Variants in ADGRL3 observed in about 807,000 individuals in gnomAD.
The protein encoded by ADGRL3 is adhesion G protein-coupled receptor L3, also known as calcium-independent alpha-latrotoxin receptor 3.
A neutral mutation model predicts 153.5 loss-of-function variants in ADGRL3; 62 were observed. The ratio of observed to expected loss-of-function variants is 0.40; its 90% CI spans 0.33 to 0.50. The LOEUF (loss-of-function observed/expected upper bound fraction) is 0.50. ADGRL3 is among the 20% of genes least tolerant of loss of function. The pLI is 0.47. For missense variants in ADGRL3, 1,641 were observed against 1,859.4 expected (o/e 0.88, Z 2.16); for synonymous variants, 710 against 672.5 (o/e 1.06, Z -0.86).
At chr4:61,970,161 GT>G (rs2099021690) in intron 17 of ADGRL3, among the ~76,000 whole-genome samples, 1 of 152,136 alleles carries the variant, frequency 6.6e-6, no homozygotes, top group East Asian at 1.9e-4. Context: ...ACATCACAGT[GT>G]TTTATAGAAT....
At chr4:61,224,914 T>G (rs1437003080) in intron 1 of ADGRL3, among the ~76,000 whole-genome samples, 1 of 152,182 alleles carries the variant, frequency 6.6e-6, no homozygotes, top group Admixed American at 6.5e-5. Context: ...GAGGGTCCTC[T>G]TATTTATTGA....
chr4:61,957,812 C>G (rs10031103), intron 17 of ADGRL3, among the ~76,000 whole-genome samples: 52,900 of 151,392 alleles, frequency 0.35, 9,960 homozygotes, highest in East Asian at 0.62. Flanking sequence ...AAATGTTGAA[C>G]CTTTTAGTGA....
chr4:61,498,186 C>A (rs1048136653), intron 3 of ADGRL3, among the ~76,000 whole-genome samples: 17 of 152,076 alleles, frequency 1.1e-4, no homozygotes, highest in African/African-American at 3.9e-4. Context: ...AGAACACAAA[C>A]TATAACCTCC....
chr4:61,421,666 T>A (rs1253091736), intron 2 of ADGRL3, among the ~76,000 whole-genome samples: 1 of 149,948 alleles, frequency 6.7e-6, no homozygotes, highest in Non-Finnish European at 1.5e-5. Flanking sequence ...AATTATTTAA[T>A]TATTTCTAAC....
intron 13 of ADGRL3, among the ~76,000 whole-genome samples, chr4:61,924,433 A>G (rs1221525120): frequency 2.0e-5 from 3 of 152,192 alleles, no homozygotes; most frequent in African/African-American, 4.8e-5. Flanking sequence ...AATATTATCA[A>G]TGGCACAAAC....
intron 2 of ADGRL3, among the ~76,000 whole-genome samples, chr4:61,490,122 C>G (rs1328213582): frequency 6.6e-6 from 1 of 151,992 alleles, no homozygotes; most frequent in Non-Finnish European, 1.5e-5. Context: ...ACCATAGCAA[C>G]TCTTAATCCA....
chr4:61,515,621 C>T (rs1194513175), intron 3 of ADGRL3, among the ~76,000 whole-genome samples: 1 of 152,088 alleles, frequency 6.6e-6, no homozygotes. Context: ...CATTCTCCCC[C>T]ACTCTAAATG....
intron 2 of ADGRL3, among the ~76,000 whole-genome samples, chr4:61,460,962 C>T (rs189243048): frequency 2.0e-3 from 307 of 152,120 alleles, no homozygotes; most frequent in Middle Eastern, 6.8e-3. Context: ...CCCAGCTACT[C>T]GGGAGGCTGA....
chr4:61,756,829 AG>A (rs756500256), intron 8 of ADGRL3, among the ~76,000 whole-genome samples: 3 of 152,140 alleles, frequency 2.0e-5, no homozygotes, highest in Admixed American at 6.6e-5. Flanking sequence ...TTTAGCATGA[AG>A]GGTTGTTGAA....
chr4:62,031,703 G>A (rs979527146), intron 23 of ADGRL3, 93 bp downstream of exon 23: 61 of 839,106 alleles, frequency 7.3e-5, no homozygotes, highest in Admixed American at 1.1e-4. Flanking sequence ...TTCTTGATAT[G>A]TTTGTCTACA....
chr4:61,830,738 A>G (rs1332019309), intron 9 of ADGRL3, among the ~76,000 whole-genome samples: 1 of 152,190 alleles, frequency 6.6e-6, no homozygotes, highest in Admixed American at 6.5e-5. Context: ...TTAATAGAGA[A>G]GGATGGTATG....
intron 8 of ADGRL3, among the ~76,000 whole-genome samples, chr4:61,805,009 G>A (rs936959305): frequency 2.7e-5 from 4 of 150,012 alleles, no homozygotes; most frequent in African/African-American, 9.8e-5. Context: ...AGGCTGGAGT[G>A]CAGTGGGGCG....
intron 1 of ADGRL3, among the ~76,000 whole-genome samples, chr4:61,360,572 A>T (rs1012408490): frequency 5.3e-5 from 8 of 152,164 alleles, no homozygotes; most frequent in African/African-American, 1.7e-4. Context: ...TTAATCTTTC[A>T]TGGTAGTTTA....
intron 2 of ADGRL3, among the ~76,000 whole-genome samples, chr4:61,473,487 A>G (rs2097996410): frequency 6.6e-6 from 1 of 152,066 alleles, no homozygotes; most frequent in Non-Finnish European, 1.5e-5. Flanking sequence ...TGAATAGAAC[A>G]TGGATCCAGC....
intron 1 of ADGRL3, among the ~76,000 whole-genome samples, chr4:61,207,019 T>C (rs549748921): frequency 6.6e-6 from 1 of 151,494 alleles, no homozygotes; most frequent in Admixed American, 6.6e-5. Flanking sequence ...TAAAATAAAA[T>C]AAAAACATGA....
At chr4:61,306,613 T>G (rs1360982576) in intron 1 of ADGRL3, among the ~76,000 whole-genome samples, 1 of 152,224 alleles carries the variant, frequency 6.6e-6, no homozygotes, top group Non-Finnish European at 1.5e-5. Flanking sequence ...GTGCAATGTC[T>G]TTCTGGAAAA....
chr4:62,057,897 T>C (rs116774801), intron 25 of ADGRL3, among the ~76,000 whole-genome samples: 3,989 of 152,190 alleles, frequency 0.026, 187 homozygotes, highest in African/African-American at 0.092. Flanking sequence ...CAGGCTGATA[T>C]CGAGCTCCTG....
intron 4 of ADGRL3, among the ~76,000 whole-genome samples, chr4:61,545,876 AAAAC>A (rs139949535): frequency 0.53 from 80,635 of 151,290 alleles, 23,814 homozygotes; most frequent in Non-Finnish European, 0.67. Context: ...TCTTATAACC[AAAAC>A]AAACAAACAA....
chr4:61,522,318 A>G (rs2152923527), intron 4 of ADGRL3, among the ~76,000 whole-genome samples: 1 of 152,276 alleles, frequency 6.6e-6, no homozygotes, highest in East Asian at 1.9e-4. Context: ...GAATGCCTCA[A>G]AAATGAACCT....
Sources: gnomAD v4.1 joint callset for allele counts (sites outside exome capture counted in the v4.1 genomes callset) on GRCh38, gnomAD v4.1.1 for gene constraint, MANE v1.5 for transcripts, NCBI Gene and HGNC (gene_info 2026-07-23, HGNC 2026-07-21) for gene names.